Variants in MRTFB observed in about 807,000 individuals in gnomAD.
The protein encoded by MRTFB is myocardin related transcription factor B.
A neutral mutation model predicts 104.2 loss-of-function variants in MRTFB; 29 were observed. That is an observed-to-expected ratio of 0.28 (90% CI 0.21 to 0.38). The LOEUF is 0.38. Ranked by LOEUF, MRTFB falls within the 10% of genes least tolerant of loss-of-function variation. The pLI is 1.00. For synonymous variants in MRTFB, 535 were observed against 519.5 expected, an observed-to-expected ratio of 1.03 and a Z score of -0.41; for missense variants, 1,270 against 1,341.6, an observed-to-expected ratio of 0.95 and a Z score of 0.83.
chr16:14,101,406 G>A (rs555785815), intron 2 of MRTFB, among the ~76,000 whole-genome samples: 4 of 152,248 alleles, frequency 2.6e-5, no homozygotes, highest in South Asian at 4.1e-4. Flanking sequence ...CTCAGGTATC[G>A]TATTTTGGTG....
chr16:14,120,675 C>G (rs996631394), intron 2 of MRTFB, among the ~76,000 whole-genome samples: 7 of 152,322 alleles, frequency 4.6e-5, no homozygotes, highest in Middle Eastern at 3.4e-3. Flanking sequence ...TCTGCACTAT[C>G]TTAATCACTG....
At chr16:14,017,663 GTATT>G in the MRTFB span, among the ~76,000 whole-genome samples, 14 of 49,828 alleles carry the variant, frequency 2.8e-4, 1 homozygote, top group South Asian at 2.9e-3. Context: ...GTGTGTGTGT[GTATT>G]TGTGTGTGTG....
the MRTFB span, among the ~76,000 whole-genome samples, chr16:14,036,296 T>TA: frequency 2.9e-3 from 283 of 98,296 alleles, 5 homozygotes; most frequent in African/African-American, 9.7e-3. Context: ...TTATATATAT[T>TA]TATATATATA....
At chr16:14,189,436 GT>G (rs1302608504) in intron 3 of MRTFB, among the ~76,000 whole-genome samples, 2 of 152,148 alleles carry the variant, frequency 1.3e-5, no homozygotes, top group African/African-American at 4.8e-5. Context: ...GATGGCAGCA[GT>G]TGTTCAAATA....
intron 2 of MRTFB, among the ~76,000 whole-genome samples, chr16:14,110,804 T>G (rs1305185500): frequency 6.6e-6 from 1 of 152,192 alleles, no homozygotes; most frequent in African/African-American, 2.4e-5. Flanking sequence ...CCTTCCACCC[T>G]TTCTCTGCCC....
rs568070688 is a variant in MRTFB, at chr16:14,249,184, A to G, written c.2403+103A>G. 2.2e-5 allele frequency: 29 copies of G among 1,344,198 alleles called. No individual in the cohort carries two copies. The East Asian group carries it at 5.8e-4, about 27-fold the overall frequency. The allele number at this position is 1,344,198 out of a possible 1,614,324, so 83.3% of individuals were successfully genotyped here. On this transcript the variant is annotated intron_variant, in intron 13 of 16. Coordinates refer to ENST00000571589, the MANE Select transcript of MRTFB (RefSeq NM_001308142.2). ...TAAACGCCCTGGGAAGTTCCTGTTC[A>G]TTCTTTTCTGTGATCCATCTCCCAT...
At chr16:14,084,385 G>T (rs2034582691) in intron 2 of MRTFB, among the ~76,000 whole-genome samples, 1 of 151,964 alleles carries the variant, frequency 6.6e-6, no homozygotes, top group Non-Finnish European at 1.5e-5. Flanking sequence ...TGCAAAACAT[G>T]CAAAATTAGC....
chr16:14,106,169 A>G (rs936362818), intron 2 of MRTFB, among the ~76,000 whole-genome samples: 1 of 152,238 alleles, frequency 6.6e-6, no homozygotes, highest in Non-Finnish European at 1.5e-5. Context: ...CATGGAGCTC[A>G]GATTCTCCTG....
At chr16:14,044,793 G>A in the MRTFB span, among the ~76,000 whole-genome samples, 1 of 152,184 alleles carries the variant, frequency 6.6e-6, no homozygotes, top group African/African-American at 2.4e-5. Context: ...TGGCATTCGG[G>A]ATATATAGAA....
intron 6 of MRTFB, among the ~76,000 whole-genome samples, chr16:14,215,517 T>C (rs2041378947): frequency 1.3e-5 from 2 of 152,180 alleles, no homozygotes; most frequent in Admixed American, 6.5e-5. Flanking sequence ...CTTACTTACT[T>C]GGGAATATTT....
chr16:14,105,822 A>G (rs936473838), intron 2 of MRTFB, among the ~76,000 whole-genome samples: 4 of 152,238 alleles, frequency 2.6e-5, no homozygotes, highest in South Asian at 2.1e-4. Context: ...TTAAAGACGT[A>G]AAGTTAAAAT....
In MRTFB at chr16:14,266,329, T is replaced by C. The variant is rs543508679; in HGVS notation, c.*4885T>C. 5 of 152,364 alleles carry C rather than the reference T, an allele frequency of 3.3e-5. No individual in the cohort carries two copies. The highest frequency in any genetic ancestry group is 6.5e-5 in the Admixed American group (1 of 15,308). The allele number at this position is 152,364 out of a possible 1,614,324, so 9.4% of individuals were successfully genotyped here. A position where few individuals can be genotyped will look rare whatever the true frequency, so the allele number is the denominator to read the frequency against. On this transcript the variant is annotated 3_prime_UTR_variant, in exon 17 of 17. Transcript: ENST00000571589. ...CTATGTAGAAATTAGTTTTCTTTTC[T>C]TGCTTGCAATAGAAATGCAATGTGA...
chr16:14,042,852 C>T, the MRTFB span, among the ~76,000 whole-genome samples: 3 of 152,160 alleles, frequency 2.0e-5, no homozygotes, highest in East Asian at 1.9e-4. Context: ...ATACCCCAGA[C>T]GGGAAATGTG....
intron 2 of MRTFB, among the ~76,000 whole-genome samples, chr16:14,097,964 A>G (rs2035483154): frequency 6.6e-6 from 1 of 151,772 alleles, no homozygotes; most frequent in Non-Finnish European, 1.5e-5. Context: ...CAATTTGTAT[A>G]TCTGTTCACT....
intron 2 of MRTFB, among the ~76,000 whole-genome samples, chr16:14,130,171 T>A (rs146069865): frequency 1.9e-4 from 29 of 152,292 alleles, no homozygotes; most frequent in African/African-American, 6.5e-4. Flanking sequence ...ATTTTTAAAT[T>A]GGGGTTTTTA....
upstream of MRTFB, among the ~76,000 whole-genome samples, chr16:14,068,548 T>TGTGTTGTTGC (rs1356306189): frequency 9.2e-5 from 14 of 152,054 alleles, no homozygotes; most frequent in Non-Finnish European, 1.8e-4. Context: ...TTGCCAACTG[T>TGTGTTGTTGC]GTGTTGTTGC....
intron 1 of MRTFB, among the ~76,000 whole-genome samples, chr16:14,073,046 G>A (rs1182645350): frequency 1.3e-5 from 2 of 152,096 alleles, no homozygotes; most frequent in Admixed American, 6.6e-5. Context: ...GTATGTTAAC[G>A]GTGTGTGGTG....
At chr16:14,243,483 G>T (rs759034629) in intron 10 of MRTFB, among the ~76,000 whole-genome samples, 1 of 152,214 alleles carries the variant, frequency 6.6e-6, no homozygotes, top group Non-Finnish European at 1.5e-5. Flanking sequence ...AAAGCCTGAA[G>T]CTGCAATGGA....
At chr16:14,023,584 C>CAT in the MRTFB span, among the ~76,000 whole-genome samples, 1 of 80,786 alleles carries the variant, frequency 1.2e-5, no homozygotes, top group Non-Finnish European at 2.4e-5. Context: ...GGCAGATACA[C>CAT]ACACACACAC....
Sources: allele counts gnomAD v4.1 joint callset (sites outside exome capture counted in the v4.1 genomes callset), GRCh38; gene constraint gnomAD v4.1.1; transcripts MANE v1.5; gene names NCBI Gene and HGNC (gene_info 2026-07-23, HGNC 2026-07-21).